PHKA1: variants seen among roughly 807,000 people sequenced by gnomAD.
The protein encoded by PHKA1 is phosphorylase b kinase regulatory subunit alpha, skeletal muscle isoform.
In PHKA1, 60 loss-of-function variants were observed where a neutral mutation model predicts 110.2. That is an observed-to-expected ratio of 0.54 (90% CI 0.44 to 0.68). PHKA1 has a LOEUF of 0.68. Among genes scored for constraint, PHKA1 ranks in the 30% least tolerant of loss-of-function variants. PHKA1 has a pLI of 0.00. For synonymous variants in PHKA1, 316 were observed against 333.6 expected (o/e 0.95, Z 0.58); for missense variants, 801 against 942.5 (o/e 0.85, Z 1.97).
intron 1 of PHKA1, among the ~76,000 whole-genome samples, 158 bp downstream of exon 1, chrX:72,713,645 A>C (rs1344691213): frequency 1.9e-5 from 2 of 106,269 alleles, no homozygotes; most frequent in African/African-American, 6.8e-5. Context: ...ACAAACACAC[A>C]CGCGGAGTTC....
Position 72,635,245 on chromosome X carries a change from T to C in PHKA1, c.1624A>G (p.Met542Val), listed in dbSNP as rs1469155126. The C allele has an allele frequency of 1.7e-6, 2 of 1,209,419 alleles. No individual in the cohort carries two copies. Among genetic ancestry groups the C allele is most frequent in the African/African-American group, 3.5e-5 (2 of 57,270 alleles). ...AGGTAGGAGAGGTCTGTTCTAAGCA[T>C]TTCCACTATCATCTTGTTGTCCAGA... ...LALDNKMIVE[M>V]LRTDLSYLCS... Residue 542 changes from methionine to valine, a missense_variant, in exon 16 of 32, where the codon ATG (methionine) becomes GTG (valine). Physicochemically the swap from Met to Val is conservative, Grantham distance 21 (BLOSUM62 1). This residue lies in a region of PHKA1 where 299 missense variants were observed against 423.3 expected (regional missense o/e 0.71). Transcript: ENST00000373542.
intron 29 of PHKA1, among the ~76,000 whole-genome samples, chrX:72,591,842 A>C (rs1556225877): frequency 1.8e-5 from 2 of 112,448 alleles, no homozygotes; most frequent in Non-Finnish European, 3.8e-5. Context: ...ATTTTCATTT[A>C]AATTTTAAGT....
At chrX:72,703,853 T>G (rs782090138) in intron 3 of PHKA1, among the ~76,000 whole-genome samples, 2 of 111,898 alleles carry the variant, frequency 1.8e-5, no homozygotes, top group Non-Finnish European at 1.9e-5. Context: ...CTCAATTTCT[T>G]CTTCTAATAA....
chrX:72,614,049 G>T (rs1011357914), intron 21 of PHKA1, among the ~76,000 whole-genome samples: 47 of 111,620 alleles, frequency 4.2e-4, no homozygotes, highest in African/African-American at 1.5e-3. Context: ...GACACTATTG[G>T]GCTATATGAC....
rs782317202 is a variant in PHKA1, at chrX:72,618,793, G to A, written c.2286C>T (p.Asp762=). 3 of 1,196,258 alleles carry A rather than the reference G, an allele frequency of 2.5e-6. No individual in the cohort carries two copies. Among genetic ancestry groups the A allele is most frequent in the Non-Finnish European group, 3.4e-6 (3 of 881,581 alleles). ...TCAACTGTAAAACCAGTGCTTTAAAGTCCACCTCCCCAGACTGGTCTCTAG... is the reference window on the plus strand; with the variant it reads ...TCAACTGTAAAACCAGTGCTTTAAAATCCACCTCCCCAGACTGGTCTCTAG... ...HLPRDQSGEV[D]FKALVLQLKE... The change falls in exon 21 of 32, where the codon GAC becomes GAT. Residue 762 remains aspartate, a synonymous_variant. Transcript: ENST00000373542.
At chrX:72,674,864 T>C (rs1556310964) in intron 6 of PHKA1, among the ~76,000 whole-genome samples, 1 of 111,083 alleles carries the variant, frequency 9.0e-6, no homozygotes, top group African/African-American at 3.3e-5. Context: ...CATAGAAGGA[T>C]GTTTGGTTAT....
chrX:72,605,735 T>C (rs1284928316), intron 23 of PHKA1, 116 bp from the exon 24 acceptor site: 4 of 555,730 alleles, frequency 7.2e-6, no homozygotes, highest in Non-Finnish European at 1.2e-5. Flanking sequence ...ATTTCATCAT[T>C]ACCAATAGCA....
intron 2 of PHKA1, chrX:72,708,001 G>GA (rs1206571905): frequency 5.4e-5 from 6 of 111,205 alleles, no homozygotes; most frequent in African/African-American, 2.0e-4. Flanking sequence ...GAAGGACAGG[G>GA]ACCACAGAAA....
rs1193979957 is a variant in PHKA1, at chrX:72,619,239, G to T, written c.2204C>A (p.Ser735Ter). 2 of 1,187,415 alleles carry T rather than the reference G, an allele frequency of 1.7e-6. No homozygotes were observed. Among genetic ancestry groups the T allele is most frequent in the Non-Finnish European group, 2.3e-6 (2 of 874,853 alleles). Residue 735 changes from serine (S) to a stop codon, truncating the protein, a stop_gained, in exon 20 of 32, where the codon TCA becomes TAA. Coordinates refer to ENST00000373542, the MANE Select transcript of PHKA1 (RefSeq NM_002637.4). LOFTEE classifies it high-confidence loss of function. ...ASRPSFNLLD[S>*]PHPRQENQVP... ...CTGGTTCTCCTGTCGGGGATGAGGT[G>T]AATCAAGTAAGTTGAATGAAGGCCG...
At chrX:72,640,027 A>G (rs1322245910) in intron 14 of PHKA1, among the ~76,000 whole-genome samples, 1 of 112,089 alleles carries the variant, frequency 8.9e-6, no homozygotes, top group Admixed American at 9.5e-5. Flanking sequence ...TGGATAAACT[A>G]AAATTAATAT....
chrX:72,595,373 C>G (rs1191816640), intron 28 of PHKA1, among the ~76,000 whole-genome samples: 1 of 110,784 alleles, frequency 9.0e-6, no homozygotes, highest in African/African-American at 3.3e-5. Flanking sequence ...AGGCTTCCCC[C>G]CGAAGATCAG....
intron 8 of PHKA1, 95 bp from the exon 9 acceptor site, chrX:72,657,736 C>A: frequency 3.0e-6 from 2 of 663,711 alleles, no homozygotes; most frequent in South Asian, 2.5e-5. Context: ...TATGTACCAC[C>A]AACCTATCAC....
rs1188189262 is a variant in PHKA1 at position 72,603,160 on chromosome X, T to C, written c.2876A>G (p.His959Arg). The C allele has an allele frequency of 1.7e-6, 2 of 1,206,418 alleles. No homozygotes were observed. Among genetic ancestry groups the C allele is most frequent in the African/African-American group, 1.7e-5 (1 of 57,270 alleles). Residue 959 changes from histidine to arginine, a missense_variant, in exon 26 of 32, where the codon CAT becomes CGT. His to Arg is a conservative substitution (Grantham distance 29). Around this residue, in one of 2 missense-constraint regions of PHKA1, gnomAD observed 502 missense variants for 519.2 expected, o/e 0.97. Transcript: ENST00000373542. ...AAACTCCTTGCCGCTGAGAATGTGA[T>C]GCAGGAGATTCTTCATGGCCGAAGG... ...LSPSAMKNLLHHILSGKEFGV... is the reference protein window; with the variant it reads ...LSPSAMKNLLRHILSGKEFGV...
intron 12 of PHKA1, among the ~76,000 whole-genome samples, chrX:72,651,827 T>C (rs1182410518): frequency 2.7e-5 from 3 of 111,714 alleles, no homozygotes; most frequent in Non-Finnish European, 3.8e-5. Context: ...TCAGATAGGA[T>C]AGTTAAGTCC....
At chrX:72,606,908 C>T (rs1556252340) in intron 23 of PHKA1, among the ~76,000 whole-genome samples, 1 of 111,554 alleles carries the variant, frequency 9.0e-6, no homozygotes, top group African/African-American at 3.3e-5. Context: ...CATCATTCTA[C>T]TTTCTATCTC....
At chrX:72,657,693 T>C (rs1425745381) in intron 8 of PHKA1, 52 bp from the exon 9 acceptor site, 4 of 979,795 alleles carry the variant, frequency 4.1e-6, no homozygotes, top group African/African-American at 3.8e-5. Flanking sequence ...TACGGCCATG[T>C]AATTAATCAG....
intron 12 of PHKA1, 50 bp downstream of exon 12, chrX:72,652,494 T>C (rs1556299460): frequency 7.3e-6 from 5 of 683,722 alleles, no homozygotes; most frequent in Non-Finnish European, 9.6e-6. Flanking sequence ...CTGATTATTA[T>C]GGTGACTTAA....
intron 3 of PHKA1, among the ~76,000 whole-genome samples, chrX:72,699,507 C>CAAAA (rs1171276586): frequency 3.5e-4 from 6 of 16,930 alleles, no homozygotes; most frequent in East Asian, 3.0e-3. Context: ...GACTCCATCT[C>CAAAA]AAAAAAAAAA....
At chrX:72,677,751 C>T (rs1157261599) in intron 5 of PHKA1, among the ~76,000 whole-genome samples, 1 of 111,564 alleles carries the variant, frequency 9.0e-6, no homozygotes, top group African/African-American at 3.3e-5. Context: ...TTTTGACATG[C>T]CTATTCCTTT....
Sources: gnomAD v4.1 joint callset for allele counts (sites outside exome capture counted in the v4.1 genomes callset) on GRCh38, gnomAD v4.1.1 for gene constraint, gnomAD v4.1.1 regional missense constraint, MANE v1.5 for transcripts, NCBI Gene and HGNC (gene_info 2026-07-23, HGNC 2026-07-21) for gene names.